The following TYR variants were observed in gnomAD, a reference collection of about 807,000 sequenced individuals.
TYR encodes the protein LB24-AB.
A neutral mutation model predicts 51.5 loss-of-function variants in TYR; 58 were observed. That is an observed-to-expected ratio of 1.13 (90% CI 0.91 to 1.40). The LOEUF is 1.40. Ranked by LOEUF, TYR falls within the 40% of genes most tolerant of loss-of-function variation. The probability of loss-of-function intolerance (pLI) is 0.00; values close to 1 mark genes in which losing one functional copy is unlikely to be tolerated. For synonymous variants in TYR, 263 were observed against 235.2 expected, an observed-to-expected ratio of 1.12 and a Z score of -1.08; for missense variants, 732 against 647.4, an observed-to-expected ratio of 1.13 and a Z score of -1.42.
At chr11:89,247,608 G>C (rs1429848079) in intron 3 of TYR, among the ~76,000 whole-genome samples, 1 of 152,162 alleles carries the variant, frequency 6.6e-6, no homozygotes, top group East Asian at 1.9e-4. Context: ...AACATGACTT[G>C]TCATTATTGC....
At chr11:89,260,490 G>T (rs1399923775) in intron 3 of TYR, among the ~76,000 whole-genome samples, 3 of 151,974 alleles carry the variant, frequency 2.0e-5, no homozygotes, top group Non-Finnish European at 4.4e-5. Flanking sequence ...GAGAAATAAA[G>T]AAATTTCCCA....
chr11:89,261,003 G>A (rs1293235347), intron 3 of TYR, among the ~76,000 whole-genome samples: 3 of 152,070 alleles, frequency 2.0e-5, no homozygotes, highest in Non-Finnish European at 2.9e-5. Context: ...AACGCCTGAT[G>A]ATCTGAGATG....
At chr11:89,258,216 C>T (rs1841431630) in intron 3 of TYR, among the ~76,000 whole-genome samples, 1 of 151,862 alleles carries the variant, frequency 6.6e-6, no homozygotes, top group Non-Finnish European at 1.5e-5. Flanking sequence ...TTTTATGTTT[C>T]TTTTAACTAT....
intron 3 of TYR, among the ~76,000 whole-genome samples, chr11:89,257,765 C>T (rs1254088852): frequency 6.6e-6 from 1 of 151,962 alleles, no homozygotes; most frequent in African/African-American, 2.4e-5. Flanking sequence ...TTTCAGCTGG[C>T]CAACGCTCTC....
At chr11:89,230,435 A>C (rs1376973657) in intron 3 of TYR, among the ~76,000 whole-genome samples, 3 of 152,122 alleles carry the variant, frequency 2.0e-5, no homozygotes, top group Admixed American at 6.6e-5. Context: ...TGCTAGAAGA[A>C]AGCATATGGT....
intron 1 of TYR, among the ~76,000 whole-genome samples, chr11:89,181,798 C>T (rs911650927): frequency 6.6e-6 from 1 of 152,178 alleles, no homozygotes; most frequent in African/African-American, 2.4e-5. Context: ...AACCAAGCGG[C>T]TCTGACTGCA....
At chr11:89,241,415 G>T (rs1944192426) in intron 3 of TYR, among the ~76,000 whole-genome samples, 1 of 151,930 alleles carries the variant, frequency 6.6e-6, no homozygotes, top group African/African-American at 2.4e-5. Flanking sequence ...TATCTAGTTT[G>T]TTCATAGTTT....
intron 2 of TYR, among the ~76,000 whole-genome samples, chr11:89,195,228 G>A (rs562751003): frequency 1.3e-5 from 2 of 152,256 alleles, no homozygotes; most frequent in Admixed American, 1.3e-4. Context: ...CGTGAGAAGT[G>A]TATAATGCAC....
intron 4 of TYR, among the ~76,000 whole-genome samples, chr11:89,289,435 C>T (rs1303621820): frequency 6.6e-6 from 1 of 151,952 alleles, no homozygotes; most frequent in Non-Finnish European, 1.5e-5. Flanking sequence ...CATTCTTTTA[C>T]TCAGTGGGAC....
rs1298797558 is a variant in TYR at position 89,254,322 on chromosome 11, T to A, written c.1184+26352T>A. Among the ~76,000 whole-genome samples the A allele has an allele frequency of 2.6e-5, 4 of 151,908 alleles. No individual in the cohort carries two copies. In the East Asian group the frequency reaches 7.7e-4, roughly 29 times the overall value. On this transcript the variant is annotated intron_variant, in intron 3 of 4. Coordinates refer to ENST00000263321, the MANE Select transcript of TYR (RefSeq NM_000372.5). ...GTTATGTTCTTTTCCGGTTTTGGTGTTCGGGTGATACTGTCTTCATAGAAT... is the reference window on the plus strand; with the variant it reads ...GTTATGTTCTTTTCCGGTTTTGGTGATCGGGTGATACTGTCTTCATAGAAT...
intron 3 of TYR, among the ~76,000 whole-genome samples, chr11:89,269,190 G>T (rs1178185838): frequency 1.3e-5 from 2 of 151,898 alleles, no homozygotes; most frequent in African/African-American, 4.8e-5. Flanking sequence ...GGTAAGTTTT[G>T]TTATCACCAC....
intron 1 of TYR, among the ~76,000 whole-genome samples, chr11:89,187,138 T>C (rs1000134407): frequency 6.4e-4 from 98 of 152,250 alleles, no homozygotes; most frequent in African/African-American, 2.2e-3. Context: ...ACCTATTCAC[T>C]ATAGACTGAG....
At chr11:89,226,189 G>A (rs59440917) in intron 2 of TYR, among the ~76,000 whole-genome samples, 2,194 of 152,122 alleles carry the variant, frequency 0.014, 48 homozygotes, top group African/African-American at 0.051. Context: ...TTGCTACATA[G>A]CAAAGGAAGT....
At chr11:89,259,754 C>T (rs1331563274) in intron 3 of TYR, among the ~76,000 whole-genome samples, 1 of 152,088 alleles carries the variant, frequency 6.6e-6, no homozygotes, top group Admixed American at 6.6e-5. Flanking sequence ...GGCATTCTAC[C>T]AACTTCCCAG....
chr11:89,294,990 G>A (rs1944890353), intron 4 of TYR, among the ~76,000 whole-genome samples, 153 bp from the exon 5 acceptor site: 2 of 152,120 alleles, frequency 1.3e-5, no homozygotes, highest in African/African-American at 4.8e-5. Flanking sequence ...TGGAGTATTA[G>A]GTGTAACTTT....
At chr11:89,260,283 C>A (rs1590884625) in intron 3 of TYR, among the ~76,000 whole-genome samples, 1 of 151,248 alleles carries the variant, frequency 6.6e-6, no homozygotes, top group South Asian at 2.1e-4. Flanking sequence ...TGAACAAAAC[C>A]TAAGAGATCT....
At chr11:89,292,743 G>C (rs1175429618) in intron 4 of TYR, among the ~76,000 whole-genome samples, 1 of 152,022 alleles carries the variant, frequency 6.6e-6, no homozygotes, top group Non-Finnish European at 1.5e-5. Context: ...AATGAGTTAA[G>C]GTAAAGAAAA....
intron 1 of TYR, among the ~76,000 whole-genome samples, chr11:89,184,130 C>A (rs1273136471): frequency 6.6e-6 from 1 of 152,066 alleles, no homozygotes; most frequent in Non-Finnish European, 1.5e-5. Flanking sequence ...AGTGTAAAGA[C>A]TAAGGTTTGG....
At chr11:89,294,645 G>C (rs1461099820) in intron 4 of TYR, among the ~76,000 whole-genome samples, 1 of 152,236 alleles carries the variant, frequency 6.6e-6, no homozygotes, top group African/African-American at 2.4e-5. Flanking sequence ...ATTTAAGACT[G>C]TGACCTCTGT....
Sources: gnomAD v4.1 joint callset for allele counts (sites outside exome capture counted in the v4.1 genomes callset) on GRCh38, gnomAD v4.1.1 for gene constraint, MANE v1.5 for transcripts, NCBI Gene and HGNC (gene_info 2026-07-23, HGNC 2026-07-21) for gene names.